The following PAIP2B variants were observed in gnomAD, a reference collection of about 807,000 sequenced individuals.
PAIP2B encodes polyadenylate-binding protein-interacting protein 2B.
In PAIP2B, 13 loss-of-function variants were observed where a neutral mutation model predicts 17.0. That is an observed-to-expected ratio of 0.76 (90% confidence interval 0.50 to 1.22). The LOEUF (loss-of-function observed/expected upper bound fraction) is 1.22, where lower values mean the gene tolerates loss of function less well. PAIP2B is among the 50% of genes most tolerant of loss of function. The probability of loss-of-function intolerance (pLI) is 0.00; values close to 1 mark genes in which losing one functional copy is unlikely to be tolerated. For missense variants in PAIP2B, 117 were observed against 144.5 expected, an observed-to-expected ratio of 0.81 and a Z score of 0.98; for synonymous variants, 43 against 48.7, an observed-to-expected ratio of 0.88 and a Z score of 0.48.
intron 2 of PAIP2B, among the ~76,000 whole-genome samples, chr2:71,198,572 A>G (rs1204518091): frequency 6.6e-6 from 1 of 152,002 alleles, no homozygotes; most frequent in Non-Finnish European, 1.5e-5. Flanking sequence ...GGCGTGAGCC[A>G]CCGCGCCCAG....
chr2:71,224,366 A>G (rs935929270), intron 1 of PAIP2B, among the ~76,000 whole-genome samples: 14 of 152,332 alleles, frequency 9.2e-5, no homozygotes, highest in African/African-American at 3.4e-4. Context: ...CCTGGGAACA[A>G]GGGTTGAATA....
chr2:71,226,028 C>A (rs1675713868), intron 1 of PAIP2B, among the ~76,000 whole-genome samples: 1 of 152,194 alleles, frequency 6.6e-6, no homozygotes. Context: ...ATTCAATTTA[C>A]TGAAAATAAT....
At chr2:71,224,403 T>G (rs778922952) in intron 1 of PAIP2B, among the ~76,000 whole-genome samples, 1 of 152,218 alleles carries the variant, frequency 6.6e-6, no homozygotes, top group Non-Finnish European at 1.5e-5. Flanking sequence ...TCTTGGCAAC[T>G]TTATAGAATA....
rs964506843 is a variant in PAIP2B, at chr2:71,186,915, G to A, written c.*1564C>T. The A allele has an allele frequency of 2.0e-5, 3 of 152,168 alleles. No homozygotes were observed. The highest frequency in any genetic ancestry group is 4.4e-5 in the Non-Finnish European group (3 of 68,044). The allele number at this position is 152,168 out of a possible 1,614,324, so 9.4% of individuals were successfully genotyped here. ...GCTTATCACTGTTCAAAAAGTCAAC[G>A]AGAGCTCATAAGGAGAATTTCTTCA... On this transcript the variant is annotated 3_prime_UTR_variant, in exon 4 of 4. Transcript: ENST00000244221.
At chr2:71,220,959 C>T (rs533589495) in intron 1 of PAIP2B, among the ~76,000 whole-genome samples, 1 of 152,238 alleles carries the variant, frequency 6.6e-6, no homozygotes, top group East Asian at 1.9e-4. Flanking sequence ...GAGAAGAAGT[C>T]TCATTTTCAG....
chr2:71,199,151 C>T (rs1674909036), intron 2 of PAIP2B, among the ~76,000 whole-genome samples: 1 of 151,716 alleles, frequency 6.6e-6, no homozygotes, highest in East Asian at 1.9e-4. Context: ...TTTTGTTTTC[C>T]TTTTCTGAAG....
At chr2:71,192,227 T>C (rs1006902955) in intron 2 of PAIP2B, among the ~76,000 whole-genome samples, 2 of 151,936 alleles carry the variant, frequency 1.3e-5, no homozygotes, top group African/African-American at 4.8e-5. Flanking sequence ...ACACGTTTTA[T>C]TGCATTTTGC....
chr2:71,225,606 A>G (rs554698522), intron 1 of PAIP2B, among the ~76,000 whole-genome samples: 1 of 152,270 alleles, frequency 6.6e-6, no homozygotes, highest in East Asian at 1.9e-4. Flanking sequence ...CAACACTTCA[A>G]TCTCCTCCAA....
intron 1 of PAIP2B, among the ~76,000 whole-genome samples, chr2:71,224,375 T>A (rs1326986485): frequency 6.6e-6 from 1 of 152,250 alleles, no homozygotes; most frequent in African/African-American, 2.4e-5. Flanking sequence ...AAGGGTTGAA[T>A]ATTTGATAAT....
At chr2:71,193,406 G>A (rs1301676068) in intron 2 of PAIP2B, among the ~76,000 whole-genome samples, 4 of 152,108 alleles carry the variant, frequency 2.6e-5, no homozygotes, top group Admixed American at 6.5e-5. Context: ...TCTGTTGATA[G>A]TTTCTTTTGC....
intron 1 of PAIP2B, among the ~76,000 whole-genome samples, chr2:71,211,547 C>T (rs540229339): frequency 6.7e-6 from 1 of 150,224 alleles, no homozygotes; most frequent in Non-Finnish European, 1.5e-5. Context: ...CTAATTCCTA[C>T]ACCAACAGTT....
chr2:71,222,339 G>A (rs556552890), intron 1 of PAIP2B, among the ~76,000 whole-genome samples: 129 of 152,302 alleles, frequency 8.5e-4, no homozygotes, highest in African/African-American at 3.0e-3. Flanking sequence ...TTCAGCTGAG[G>A]ACGGCATATA....
chr2:71,218,306 T>C (rs1476323694), intron 1 of PAIP2B, among the ~76,000 whole-genome samples: 2 of 150,174 alleles, frequency 1.3e-5, no homozygotes, highest in Non-Finnish European at 3.0e-5. Flanking sequence ...AAAAGAAAAA[T>C]GATAAAAAAG....
In PAIP2B at chr2:71,209,847, G is replaced by T. The variant is rs554996758; in HGVS notation, c.-11-7247C>A. On this transcript the variant is annotated intron_variant, in intron 1 of 3. Coordinates refer to ENST00000244221, the MANE Select transcript of PAIP2B (RefSeq NM_020459.1). ...ATAGAACTTTTTTTTTTTTTAAGAT[G>T]GAGTCTCACTCTGTCGCCCCAGGCT... Among the ~76,000 whole-genome samples the T allele has an allele frequency of 2.2e-3, 333 of 149,622 alleles. 8 individuals are homozygous for T. The highest frequency in any genetic ancestry group is 0.01 in the Middle Eastern group (3 of 290).
chr2:71,220,349 G>C (rs552119580), intron 1 of PAIP2B, among the ~76,000 whole-genome samples: 44 of 152,266 alleles, frequency 2.9e-4, no homozygotes, highest in African/African-American at 1.1e-3. Context: ...AGAACAGCTA[G>C]GATGAACCAT....
In PAIP2B at chr2:71,188,461, C is replaced by G; in HGVS notation, c.*18G>C. ...CCAGATGTGGGGACAGACAAGTCTTCCTCAAAGCTTTCTCGGCTCAGTACT... is the reference window on the plus strand; with the variant it reads ...CCAGATGTGGGGACAGACAAGTCTTGCTCAAAGCTTTCTCGGCTCAGTACT... On this transcript the variant is annotated 3_prime_UTR_variant, in exon 4 of 4. Transcript: ENST00000244221. The G allele has an allele frequency of 6.3e-7, 1 of 1,587,646 alleles. No homozygotes were observed. Among genetic ancestry groups the G allele is most frequent in the Non-Finnish European group, 8.6e-7 (1 of 1,163,698 alleles).
chr2:71,220,200 A>C (rs1675544035), intron 1 of PAIP2B, among the ~76,000 whole-genome samples: 1 of 152,192 alleles, frequency 6.6e-6, no homozygotes, highest in Non-Finnish European at 1.5e-5. Context: ...AAATTACTGC[A>C]AGCCCACATG....
chr2:71,192,130 G>A (rs572839936), intron 2 of PAIP2B, among the ~76,000 whole-genome samples: 1 of 152,230 alleles, frequency 6.6e-6, no homozygotes, highest in Admixed American at 6.5e-5. Flanking sequence ...AATTTTCCAT[G>A]AAAACACTGC....
At position 71,183,821 on chromosome 2, in the gene PAIP2B, A is replaced by G. The variant is rs1290012445; in HGVS notation, c.*4658T>C. 6.6e-6 allele frequency: 1 copy of G among 152,218 alleles called. No homozygotes were observed. The highest frequency in any genetic ancestry group is 1.5e-5 in the Non-Finnish European group (1 of 68,034). 9.4% of individuals were successfully genotyped at this position (152,218 alleles called of 1,614,324 possible). On this transcript the variant is annotated 3_prime_UTR_variant, in exon 4 of 4. Coordinates refer to ENST00000244221, the MANE Select transcript of PAIP2B (RefSeq NM_020459.1). The stretch of plus-strand genomic sequence containing the variant: ...AAGGATCTTATTGGGAGGGATAAAA[A>G]TGTTCTAAAACTGAGTAATAGTTAC...
Sources: gnomAD v4.1 joint callset for allele counts (sites outside exome capture counted in the v4.1 genomes callset) on GRCh38, gnomAD v4.1.1 for gene constraint, MANE v1.5 for transcripts, NCBI Gene and HGNC (gene_info 2026-07-23, HGNC 2026-07-21) for gene names.